The following SLC13A5 variants were observed in gnomAD, a reference collection of about 807,000 sequenced individuals.
SLC13A5 encodes the protein Na(+)/citrate cotransporter.
A neutral mutation model predicts 56.5 loss-of-function variants in SLC13A5; 25 were observed. The observed-to-expected ratio is 0.44, with a 90% CI of 0.32 to 0.62. The LOEUF (loss-of-function observed/expected upper bound fraction) is 0.62, where lower values mean the gene tolerates loss of function less well. SLC13A5 is among the 20% of genes least tolerant of loss of function. The pLI is 0.04. For missense variants in SLC13A5, 649 were observed against 737.8 expected, an observed-to-expected ratio of 0.88 and a Z score of 1.39; for synonymous variants, 307 against 301.5, an observed-to-expected ratio of 1.02 and a Z score of -0.19.
chr17:6,703,245 C>T (rs1025881558), intron 4 of SLC13A5, 107 bp from the exon 5 acceptor site: 5 of 1,361,960 alleles, frequency 3.7e-6, no homozygotes, highest in Non-Finnish European at 5.1e-6. Context: ...CCCAGCTCTG[C>T]TGATTTAGCT....
At chr17:6,690,061 C>CAAAAAAAAAAAAAAAAAAAAAAAAA (rs71157211) in intron 10 of SLC13A5, 4 of 33,422 alleles carry the variant, frequency 1.2e-4, no homozygotes, top group Non-Finnish European at 1.8e-4. Flanking sequence ...GAAGGAAATG[C>CAAAAAAAAAAAAAAAAAAAAAAAAA]AAAAAAAAAA....
chr17:6,700,722 G>A (rs558603949), intron 6 of SLC13A5, among the ~76,000 whole-genome samples: 2 of 152,174 alleles, frequency 1.3e-5, no homozygotes, highest in Non-Finnish European at 2.9e-5. Context: ...TGGAATGGGG[G>A]TGGGGAAAAG....
rs1973252015 is a variant in SLC13A5 at position 6,686,335 on chromosome 17, T to C, written c.1579A>G (p.Lys527Glu). The C allele has an allele frequency of 6.2e-7, 1 of 1,613,950 alleles. No individual in the cohort carries two copies. Among genetic ancestry groups the C allele is most frequent in the South Asian group, 1.1e-5 (1 of 91,086 alleles). The change falls in exon 12 of 12, where the codon AAA (lysine) becomes GAA (glutamate). Residue 527 changes from lysine (K) to glutamate (E), a missense_variant. Transcript: ENST00000433363. ...YGHLKVADMV[K>E]TGVIMNIIGV... The stretch of plus-strand genomic sequence containing the variant: ...ATTATGTTCATTATGACTCCTGTTT[T>C]CACCTGGAAAAGAGACAGAGTCAGC...
In SLC13A5 at chr17:6,687,550, C is replaced by G. The variant is rs1217287332; in HGVS notation, c.1554G>C (p.Gly518=). 1 of 1,613,414 alleles carries G rather than the reference C, an allele frequency of 6.2e-7. No homozygotes were observed. The highest frequency in any genetic ancestry group is 1.1e-5 in the South Asian group (1 of 90,830). The stretch of plus-strand genomic sequence containing the variant: ...TTACCATGTCAGCAACCTTGAGGTG[C>G]CCATAGGTGAACACGATGGCATTTG... ...TPPNAIVFTY[G]HLKVADMVKT... The change falls in exon 11 of 12, where the codon GGG becomes GGC. Residue 518 remains glycine (G), a synonymous_variant. Coordinates refer to ENST00000433363, the MANE Select transcript of SLC13A5 (RefSeq NM_177550.5). The surrounding 1 kb of genome is among the most constrained non-coding windows in gnomAD (Gnocchi z 5.0).
chr17:6,704,385 C>A (rs1029988037), intron 3 of SLC13A5: 18 of 450,562 alleles, frequency 4.0e-5, no homozygotes, highest in South Asian at 3.2e-4. Context: ...CAGGGGAAGC[C>A]CAGGCATCCA....
At chr17:6,705,668 G>T (rs1973846967) in intron 3 of SLC13A5, 2 of 152,258 alleles carry the variant, frequency 1.3e-5, no homozygotes, top group Admixed American at 1.3e-4. Context: ...TGGGTTGCCT[G>T]CAGGGCAGGC....
chr17:6,696,808 G>A (rs983165520), intron 6 of SLC13A5, among the ~76,000 whole-genome samples: 15 of 152,122 alleles, frequency 9.9e-5, no homozygotes, highest in Admixed American at 6.5e-4. Flanking sequence ...GCCCTCCCTC[G>A]TGAGAGCCCT....
intron 6 of SLC13A5, among the ~76,000 whole-genome samples, chr17:6,700,213 A>C (rs533179739): frequency 6.6e-6 from 1 of 152,222 alleles, no homozygotes; most frequent in East Asian, 1.9e-4. Flanking sequence ...TTTTTTAGCT[A>C]TTTGTCAGCC....
chr17:6,704,303 T>C, intron 3 of SLC13A5: 3 of 644,970 alleles, frequency 4.7e-6, no homozygotes, highest in Non-Finnish European at 8.6e-6. Flanking sequence ...TCTACTCTGC[T>C]TGCTTCTGGG....
In SLC13A5 at chr17:6,690,788, A is replaced by C. The variant is rs1450058801; in HGVS notation, c.1428T>G (p.Phe476Leu). The change falls in exon 10 of 12, where the codon TTT (phenylalanine) becomes TTG (leucine). Residue 476 changes from phenylalanine (F) to leucine (L), a missense_variant. Physicochemically the swap from Phe to Leu is conservative, Grantham distance 22. Transcript: ENST00000433363. ...VATTTLFLPI[F>L]ASMSRSIGLN... ...CTGTCAGGTTACTTACCATGGAGGC[A>C]AAGATGGGCAGGAACAAGGTGGTGG... is the stretch of plus-strand genomic sequence containing the variant. 6.2e-7 allele frequency: 1 copy of C among 1,614,224 alleles called. No homozygotes were observed. The highest frequency in any genetic ancestry group is 8.5e-7 in the Non-Finnish European group (1 of 1,180,044).
At chr17:6,703,285 C>T in intron 4 of SLC13A5, 147 bp from the exon 5 acceptor site, 1 of 1,023,014 alleles carries the variant, frequency 9.8e-7, no homozygotes, top group Non-Finnish European at 1.4e-6. Context: ...GAGTTGCTGG[C>T]AGGGATGTGC....
intron 5 of SLC13A5, among the ~76,000 whole-genome samples, chr17:6,702,238 C>A (rs1973733749): frequency 6.6e-6 from 1 of 152,128 alleles, no homozygotes; most frequent in Admixed American, 6.5e-5. Context: ...TAGTACATAC[C>A]TCAATTAGTA....
At chr17:6,708,809 C>G (rs1046177842) in intron 1 of SLC13A5, among the ~76,000 whole-genome samples, 1 of 152,192 alleles carries the variant, frequency 6.6e-6, no homozygotes, top group East Asian at 1.9e-4. Flanking sequence ...CACGCCCACG[C>G]TCACTCAGAC....
At chr17:6,690,256 C>T (rs1217881645) in intron 10 of SLC13A5, 1 of 169,408 alleles carries the variant, frequency 5.9e-6, no homozygotes, top group African/African-American at 2.4e-5. Flanking sequence ...TCCCTGTGCT[C>T]ACCAAGCCAG....
In SLC13A5 at chr17:6,711,528, GTTT is replaced by G. The variant is rs1974026421; in HGVS notation, c.102+1701_102+1703del. Among the ~76,000 whole-genome samples the G allele has an allele frequency of 3.3e-5, 5 of 150,264 alleles. No homozygotes were observed. Among genetic ancestry groups the G allele is most frequent in the Non-Finnish European group, 3.0e-5 (2 of 67,502 alleles). ...TGTGTATGTGTATGTGTGTGTTTGT[GTTT>G]TTTGTGTGTTTTGTGTGTGTGTTTG... On this transcript the variant is annotated intron_variant, in intron 1 of 11. Transcript: ENST00000433363. The surrounding 1 kb of genome is among the most constrained non-coding windows in gnomAD (Gnocchi z 4.0).
chr17:6,706,575 C>G (rs1447476562), intron 3 of SLC13A5, 67 bp downstream of exon 3: 1 of 1,577,586 alleles, frequency 6.3e-7, no homozygotes, highest in Non-Finnish European at 8.6e-7. Flanking sequence ...TCTGTGCCAT[C>G]CTCCACCCCC....
At position 6,690,928 on chromosome 17, in the gene SLC13A5, A is replaced by T; in HGVS notation, c.1288T>A (p.Ser430Thr). The T allele has an allele frequency of 6.2e-7, 1 of 1,609,798 alleles. No homozygotes were observed. The highest frequency in any genetic ancestry group is 1.1e-5 in the South Asian group (1 of 90,442). ...LAKGSEASGL[S>T]VWMGKQMEPL... Reference sequence around the variant, plus strand: ...TCCATCTGCTTCCCCATCCACACGGACAGCCCCGAGGCCTGGGAAGCACCA... The same window carrying T: ...TCCATCTGCTTCCCCATCCACACGGTCAGCCCCGAGGCCTGGGAAGCACCA... Residue 430 changes from serine (S) to threonine (T), a missense_variant, in exon 10 of 12, where the codon TCC (serine) becomes ACC (threonine). Coordinates refer to ENST00000433363, the MANE Select transcript of SLC13A5 (RefSeq NM_177550.5).
intron 3 of SLC13A5, chr17:6,704,945 C>T (rs1973824854): frequency 6.6e-6 from 1 of 152,484 alleles, no homozygotes; most frequent in Non-Finnish European, 1.5e-5. Flanking sequence ...GGGCCTGACT[C>T]TGCTCTGTGG....
chr17:6,690,084 A>C (rs1296716576), intron 10 of SLC13A5: 17 of 136,290 alleles, frequency 1.2e-4, no homozygotes, highest in Admixed American at 6.4e-4. Context: ...AAAAAAAAAA[A>C]AAAAAAAAAA....
Sources: gnomAD v4.1 joint callset for allele counts (sites outside exome capture counted in the v4.1 genomes callset) on GRCh38, gnomAD v4.1.1 for gene constraint, Gnocchi (gnomAD v3.1) non-coding constraint, MANE v1.5 for transcripts, NCBI Gene and HGNC (gene_info 2026-07-23, HGNC 2026-07-21) for gene names.